THRB: variants seen among roughly 807,000 people sequenced by gnomAD.
THRB encodes nuclear receptor subfamily 1 group A member 2.
A neutral mutation model predicts 47.8 loss-of-function variants in THRB; 12 were observed. That is an observed-to-expected ratio of 0.25 (90% CI 0.16 to 0.41). The LOEUF (loss-of-function observed/expected upper bound fraction) is 0.41. Among genes scored for constraint, THRB ranks in the 10% least tolerant of loss-of-function variants. The pLI is 1.00. For synonymous variants in THRB, 218 were observed against 212.2 expected, an observed-to-expected ratio of 1.03 and a Z score of -0.24; for missense variants, 348 against 589.2, an observed-to-expected ratio of 0.59 and a Z score of 4.24.
Position 24,419,657 on chromosome 3 carries a change from A to G in THRB, c.-261+74995T>C, listed in dbSNP as rs145760079. Among the ~76,000 whole-genome samples, 419 of 152,054 alleles carry G rather than the reference A, an allele frequency of 2.8e-3. 3 individuals are homozygous for G. The highest frequency in any genetic ancestry group is 9.7e-3 in the African/African-American group (402 of 41,554). On this transcript the variant is annotated intron_variant, in intron 1 of 10. Transcript: ENST00000646209. ...AAGAACCTTGATGCAATCTGCAATT[A>G]GCTTATAAAAATAACATTGCATAGT...
intron 1 of THRB, among the ~76,000 whole-genome samples, chr3:24,359,094 T>C (rs930583736): frequency 4.6e-5 from 7 of 152,162 alleles, no homozygotes; most frequent in African/African-American, 1.4e-4. Context: ...GCAACCACTT[T>C]TATCACGTCT....
At chr3:24,277,904 A>C (rs1040784679) in intron 3 of THRB, among the ~76,000 whole-genome samples, 6 of 152,198 alleles carry the variant, frequency 3.9e-5, no homozygotes, top group Admixed American at 2.0e-4. Flanking sequence ...TGATGTTCTC[A>C]ATTAAGGGGT....
chr3:24,444,568 C>A (rs2071875714), intron 1 of THRB, among the ~76,000 whole-genome samples: 1 of 152,054 alleles, frequency 6.6e-6, no homozygotes, highest in South Asian at 2.1e-4. Context: ...CAAAATAATT[C>A]ATAATTTGCA....
intron 1 of THRB, among the ~76,000 whole-genome samples, chr3:24,382,610 G>T (rs1168418163): frequency 1.3e-5 from 2 of 151,930 alleles, no homozygotes; most frequent in Non-Finnish European, 2.9e-5. Context: ...CTATTAAGAG[G>T]AAAAATGTAA....
chr3:24,163,559 AAGT>A (rs2039211883), intron 5 of THRB, among the ~76,000 whole-genome samples: 2 of 152,204 alleles, frequency 1.3e-5, no homozygotes, highest in African/African-American at 4.8e-5. Context: ...AGGCATATCC[AAGT>A]ATGTTTAATG....
intron 4 of THRB, among the ~76,000 whole-genome samples, chr3:24,194,445 C>G (rs2043727182): frequency 6.6e-6 from 1 of 152,100 alleles, no homozygotes; most frequent in Non-Finnish European, 1.5e-5. Flanking sequence ...CAGCTAACAT[C>G]TGGCTTTCAA....
At chr3:24,265,757 G>C (rs981749444) in intron 3 of THRB, among the ~76,000 whole-genome samples, 2 of 152,160 alleles carry the variant, frequency 1.3e-5, no homozygotes, top group South Asian at 4.2e-4. Flanking sequence ...TTATTTGAGT[G>C]TATTAATTTG....
At chr3:24,200,633 CTTTG>C (rs1010303860) in intron 4 of THRB, among the ~76,000 whole-genome samples, 5 of 152,156 alleles carry the variant, frequency 3.3e-5, no homozygotes, top group African/African-American at 9.7e-5. Flanking sequence ...CAATTTCCCA[CTTTG>C]TTTGGTACCC....
Position 24,409,402 on chromosome 3 carries a change from ACTT to A in THRB, c.-260-72034_-260-72032del, listed in dbSNP as rs560170348. On this transcript the variant is annotated intron_variant, in intron 1 of 10. Transcript: ENST00000646209. ...ATAATGCAAACCCTTTGTGATAATG[ACTT>A]CTGGGAGGCAATATAGCATAGCAGT... Among the ~76,000 whole-genome samples, 530 of 151,944 alleles carry A rather than the reference ACTT, an allele frequency of 3.5e-3. 4 individuals are homozygous for A. The highest frequency in any genetic ancestry group is 6.4e-3 in the Non-Finnish European group (432 of 67,838).
intron 10 of THRB, among the ~76,000 whole-genome samples, chr3:24,125,557 G>T (rs2032595560): frequency 6.6e-6 from 1 of 152,130 alleles, no homozygotes. Context: ...GAAGCTAGGG[G>T]TCACCCAAAG....
intron 1 of THRB, among the ~76,000 whole-genome samples, chr3:24,480,015 A>C (rs1696124839): frequency 6.6e-6 from 1 of 152,176 alleles, no homozygotes; most frequent in African/African-American, 2.4e-5. Context: ...CAAGCATTCC[A>C]TGCTGTATAA....
intron 2 of THRB, among the ~76,000 whole-genome samples, chr3:24,317,593 G>A (rs536484691): frequency 4.1e-4 from 63 of 152,184 alleles, no homozygotes; most frequent in Middle Eastern, 6.8e-3. Flanking sequence ...ACTGGCTAGG[G>A]TGTTGGGTCT....
intron 3 of THRB, among the ~76,000 whole-genome samples, chr3:24,242,729 T>C (rs1438700187): frequency 1.3e-5 from 2 of 152,140 alleles, no homozygotes; most frequent in Non-Finnish European, 2.9e-5. Context: ...TATATTACAA[T>C]AAGCCCTTTC....
chr3:24,414,690 T>C (rs2068596895), intron 1 of THRB, among the ~76,000 whole-genome samples: 1 of 151,850 alleles, frequency 6.6e-6, no homozygotes, highest in Non-Finnish European at 1.5e-5. Context: ...AAATGATCAC[T>C]TAAAGGGGTA....
chr3:24,448,260 A>G (rs2072300734), intron 1 of THRB, among the ~76,000 whole-genome samples: 1 of 152,156 alleles, frequency 6.6e-6, no homozygotes, highest in African/African-American at 2.4e-5. Flanking sequence ...AGACTCGCAT[A>G]TATGAAAAAA....
intron 1 of THRB, among the ~76,000 whole-genome samples, chr3:24,455,692 A>G (rs1186913338): frequency 4.6e-5 from 7 of 152,198 alleles, no homozygotes; most frequent in Non-Finnish European, 1.0e-4. Flanking sequence ...GAAAGTTTAA[A>G]TTGCCTAAAA....
At chr3:24,173,597 A>T (rs1174347992) in intron 5 of THRB, among the ~76,000 whole-genome samples, 1 of 152,198 alleles carries the variant, frequency 6.6e-6, no homozygotes, top group Non-Finnish European at 1.5e-5. Context: ...ACCCAACTCC[A>T]CAGCCAAACC....
intron 5 of THRB, among the ~76,000 whole-genome samples, chr3:24,163,266 G>C (rs2039147504): frequency 6.6e-6 from 1 of 152,198 alleles, no homozygotes; most frequent in East Asian, 1.9e-4. Context: ...TTTTGATTTA[G>C]TGAGTTTGGC....
At chr3:24,472,873 C>T (rs1450688426) in intron 1 of THRB, among the ~76,000 whole-genome samples, 1 of 152,108 alleles carries the variant, frequency 6.6e-6, no homozygotes, top group Non-Finnish European at 1.5e-5. Flanking sequence ...CAAATTTGCA[C>T]TCTTGTGCCC....
Sources: allele counts gnomAD v4.1 joint callset (sites outside exome capture counted in the v4.1 genomes callset), GRCh38; gene constraint gnomAD v4.1.1; transcripts MANE v1.5; gene names NCBI Gene and HGNC (gene_info 2026-07-23, HGNC 2026-07-21).